NCAN: variants seen among roughly 807,000 people sequenced by gnomAD.
The protein encoded by NCAN is neurocan core protein.
NCAN carries 47 observed loss-of-function variants against 121.8 expected under a neutral mutation model. The ratio of observed to expected loss-of-function variants is 0.39; its 90% confidence interval spans 0.31 to 0.49. The LOEUF (loss-of-function observed/expected upper bound fraction) is 0.49, where lower values mean the gene tolerates loss of function less well. NCAN is among the 20% of genes least tolerant of loss of function. NCAN has a pLI of 0.92. For synonymous variants in NCAN, 633 were observed against 702.0 expected, an observed-to-expected ratio of 0.90 and a Z score of 1.55; for missense variants, 1,517 against 1,773.4, an observed-to-expected ratio of 0.86 and a Z score of 2.60.
chr19:19,248,689 C>T lies in NCAN; in HGVS notation c.3638-11C>T. ...TGAGCACCTCTCTCACTAGAGATTC[C>T]TCTGTCCCAGTGCTCTGTGGTCCCC... On this transcript the variant is annotated splice_polypyrimidine_tract_variant and intron_variant, in intron 13 of 14. Coordinates refer to ENST00000252575, the MANE Select transcript of NCAN (RefSeq NM_004386.3). The T allele has an allele frequency of 6.2e-7, 1 of 1,611,446 alleles. No homozygotes were observed. Among genetic ancestry groups the T allele is most frequent in the Non-Finnish European group, 8.5e-7 (1 of 1,178,098 alleles).
At chr19:19,223,660 A>G (rs920964990) in intron 3 of NCAN, among the ~76,000 whole-genome samples, 2 of 151,958 alleles carry the variant, frequency 1.3e-5, no homozygotes, top group African/African-American at 4.8e-5. Context: ...TTTAGTAGAG[A>G]CAGGGTTTCA....
Position 19,238,367 on chromosome 19 carries a change from A to C in NCAN, c.3365A>C (p.His1122Pro), listed in dbSNP as rs1599820077. ...AEKDCRRRSG[H>P]LTSVHSPEEH... ...AAGGACTGCCGCCGCCGCTCCGGCC[A>C]CCTGACCAGCGTCCACTCACCGGAG... The change falls in exon 11 of 15, where the codon CAC (histidine) becomes CCC (proline). Residue 1122 changes from histidine (H) to proline (P), a missense_variant. Physicochemically the swap from His to Pro is moderately conservative, Grantham distance 77 (BLOSUM62 -2). Coordinates refer to ENST00000252575, the MANE Select transcript of NCAN (RefSeq NM_004386.3). 1 of 1,614,204 alleles carries C rather than the reference A, an allele frequency of 6.2e-7. No homozygotes were observed. Among genetic ancestry groups the C allele is most frequent in the Non-Finnish European group, 8.5e-7 (1 of 1,180,040 alleles).
Position 19,228,379 on chromosome 19 carries a change from G to A in NCAN, c.2759G>A (p.Ser920Asn). The change falls in exon 8 of 15, where the codon AGC (serine) becomes AAC (asparagine). Residue 920 changes from serine to asparagine, a missense_variant. Physicochemically the swap from Ser to Asn is conservative, Grantham distance 46. Transcript: ENST00000252575. ...GGAGCTTCAGTGCCTCCGCATCAGA[G>A]CAGTCCCCTAGGGAAACCGGCTGTT... Reference protein sequence around the residue: ...TSGASVPPHQSSPLGKPAVPP... With the variant: ...TSGASVPPHQNSPLGKPAVPP... 6.2e-7 allele frequency: 1 copy of A among 1,613,842 alleles called. No individual in the cohort carries two copies.
rs1482869996 is a variant in NCAN at position 19,219,119 on chromosome 19, T to C, written c.278T>C (p.Ile93Thr). 2.5e-6 allele frequency: 4 copies of C among 1,613,444 alleles called. No individual in the cohort carries two copies. The highest frequency in any genetic ancestry group is 3.4e-6 in the Non-Finnish European group (4 of 1,179,646). The change falls in exon 3 of 15, where the codon ATC becomes ACC. Residue 93 changes from isoleucine (I) to threonine (T), a missense_variant. Coordinates refer to ENST00000252575, the MANE Select transcript of NCAN (RefSeq NM_004386.3). ...TCGGGCCAGCGACAGGACTTGCCCA[T>C]CCTGGTGGCCAAGGACAATGTCGTG... ...TASGQRQDLP[I>T]LVAKDNVVRV...
Position 19,225,385 on chromosome 19 carries a change from G to C in NCAN, c.1072+115G>C. 3.1e-6 allele frequency: 4 copies of C among 1,289,142 alleles called. No individual in the cohort carries two copies. Among genetic ancestry groups the C allele is most frequent in the Non-Finnish European group, 4.1e-6 (4 of 986,718 alleles). 79.9% of individuals were successfully genotyped at this position (1,289,142 alleles called of 1,614,324 possible). On this transcript the variant is annotated intron_variant, in intron 6 of 14. Coordinates refer to ENST00000252575, the MANE Select transcript of NCAN (RefSeq NM_004386.3). This position sits in a 1 kb window ranked among gnomAD's most constrained non-coding sequence, Gnocchi z 4.0. ...CACATGGAAGCTCGCTTTGTGATAA[G>C]CCACATCCCTGGGTGAGGGCCACGC...
Position 19,250,436 on chromosome 19 carries a change from TCAGCCCAA to T in NCAN, c.*526_*533del. The T allele has an allele frequency of 3.4e-6, 1 of 296,490 alleles. No individual in the cohort carries two copies. The allele number at this position is 296,490 out of a possible 1,614,324, so 18.4% of individuals were successfully genotyped here. On this transcript the variant is annotated 3_prime_UTR_variant, in exon 15 of 15. Transcript: ENST00000252575. The stretch of plus-strand genomic sequence containing the variant: ...AACAGCTCTCCCTTTACCCTGGACT[TCAGCCCAA>T]GTTCCGTCTTTGGTCTTGGTGGATA...
intron 5 of NCAN, 144 bp from the exon 6 acceptor site, chr19:19,224,833 T>A (rs2060829509): frequency 2.9e-6 from 2 of 679,546 alleles, no homozygotes; most frequent in African/African-American, 3.8e-5. Context: ...ATCCCGGAGC[T>A]GGACGCACAG....
rs1307116520 is a variant in NCAN, at chr19:19,248,727, A to G, written c.3665A>G (p.Glu1222Gly). 1 of 1,614,066 alleles carries G rather than the reference A, an allele frequency of 6.2e-7. No individual in the cohort carries two copies. The highest frequency in any genetic ancestry group is 1.7e-5 in the Admixed American group (1 of 59,990). ...CTCTGTGGTCCCCCTCCGGCAGTGG[A>G]GAATGCCTCACTCATCGGTGCCCGC... ...TVLCGPPPAV[E>G]NASLIGARKA... The change falls in exon 14 of 15, where the codon GAG (glutamate) becomes GGG (glycine). Residue 1222 changes from glutamate to glycine, a missense_variant. Physicochemically the swap from Glu to Gly is moderately conservative, Grantham distance 98. Transcript: ENST00000252575.
At chr19:19,247,278 G>A (rs1418064526) in intron 13 of NCAN, among the ~76,000 whole-genome samples, 1 of 151,922 alleles carries the variant, frequency 6.6e-6, no homozygotes, top group Admixed American at 6.6e-5. Flanking sequence ...TTTTGAGACG[G>A]CGTCTTGCTC....
chr19:19,237,564 T>C (rs897197652), intron 10 of NCAN, among the ~76,000 whole-genome samples: 5 of 152,076 alleles, frequency 3.3e-5, no homozygotes, highest in African/African-American at 1.2e-4. Context: ...GGTTTTGACA[T>C]TGACAATGAG....
Position 19,248,891 on chromosome 19 carries a change from C to T in NCAN, c.3820+9C>T. 1 of 1,613,200 alleles carries T rather than the reference C, an allele frequency of 6.2e-7. No individual in the cohort carries two copies. Among genetic ancestry groups the T allele is most frequent in the Admixed American group, 1.7e-5 (1 of 59,902 alleles). Reference sequence around the variant, plus strand: ...AATTGTCTGCACCAAACGTAAGTAGCTTCTCCCAGAGATCTCAACATAGGT... The same window carrying T: ...AATTGTCTGCACCAAACGTAAGTAGTTTCTCCCAGAGATCTCAACATAGGT... On this transcript the variant is annotated intron_variant, in intron 14 of 14. Coordinates refer to ENST00000252575, the MANE Select transcript of NCAN (RefSeq NM_004386.3).
At chr19:19,237,432 T>C (rs1416004673) in intron 10 of NCAN, among the ~76,000 whole-genome samples, 2 of 150,940 alleles carry the variant, frequency 1.3e-5, no homozygotes, top group Non-Finnish European at 2.9e-5. Flanking sequence ...GTGTCTACAG[T>C]GAGCCAAGAT....
chr19:19,218,766 C>T, intron 2 of NCAN, 149 bp from the exon 3 acceptor site: 1 of 732,922 alleles, frequency 1.4e-6, no homozygotes, highest in Non-Finnish European at 2.0e-6. Flanking sequence ...GCTATCGCGT[C>T]CAGCCACTGC....
intron 14 of NCAN, among the ~76,000 whole-genome samples, chr19:19,249,230 C>T (rs2060937546): frequency 6.6e-6 from 1 of 152,032 alleles, no homozygotes; most frequent in South Asian, 2.1e-4. Flanking sequence ...ACTGCCATGC[C>T]CGGCTAATTT....
chr19:19,248,958 C>A, intron 14 of NCAN, 76 bp downstream of exon 14: 1 of 1,494,714 alleles, frequency 6.7e-7, no homozygotes, highest in Non-Finnish European at 9.2e-7. Context: ...CCTATTTCTC[C>A]ACACATTGAT....
chr19:19,213,664 G>T (rs762867233), intron 1 of NCAN, among the ~76,000 whole-genome samples: 4 of 152,096 alleles, frequency 2.6e-5, no homozygotes, highest in Non-Finnish European at 4.4e-5. Flanking sequence ...GTGGCTGTGT[G>T]TGTCCCGCTT....
At chr19:19,235,219 A>G (rs1179071713) in intron 10 of NCAN, 123 bp downstream of exon 10, 5 of 574,168 alleles carry the variant, frequency 8.7e-6, no homozygotes, top group Non-Finnish European at 1.6e-5. Flanking sequence ...GACACAAGAT[A>G]AATTATTCTT....
chr19:19,245,546 T>C, intron 13 of NCAN, 89 bp downstream of exon 13: 1 of 1,469,342 alleles, frequency 6.8e-7, no homozygotes, highest in Non-Finnish European at 9.2e-7. Context: ...GGCATAATCA[T>C]GGCTCATCAC....
At chr19:19,237,998 G>A (rs1014601623) in intron 10 of NCAN, among the ~76,000 whole-genome samples, 5 of 152,164 alleles carry the variant, frequency 3.3e-5, no homozygotes, top group African/African-American at 1.2e-4. Context: ...AGCCGAGATT[G>A]TGCCATTGCA....
Sources: allele counts gnomAD v4.1 joint callset (sites outside exome capture counted in the v4.1 genomes callset), GRCh38; gene constraint gnomAD v4.1.1; non-coding constraint Gnocchi (gnomAD v3.1); transcripts MANE v1.5; gene names NCBI Gene and HGNC (gene_info 2026-07-23, HGNC 2026-07-21).